Variants in MEGF6 observed in about 807,000 individuals in gnomAD.
The protein encoded by MEGF6 is multiple epidermal growth factor-like domains protein 6.
MEGF6 carries 184 observed loss-of-function variants against 207.1 expected under a neutral mutation model. The ratio of observed to expected loss-of-function variants is 0.89; its 90% CI spans 0.79 to 1.00. The LOEUF is 1.00. MEGF6 is among the 50% of genes least tolerant of loss of function. MEGF6 has a pLI of 0.00. For synonymous variants in MEGF6, 1,038 were observed against 910.0 expected, an observed-to-expected ratio of 1.14 and a Z score of -2.53; for missense variants, 2,282 against 2,202.9, an observed-to-expected ratio of 1.04 and a Z score of -0.72.
chr1:3,587,091 CT>C (rs1643903537), intron 3 of MEGF6, among the ~76,000 whole-genome samples: 1 of 152,248 alleles, frequency 6.6e-6, no homozygotes. Context: ...TAGAGTCAGA[CT>C]CTATTTCATA....
chr1:3,496,866 G>A, intron 28 of MEGF6, 83 bp from the exon 29 acceptor site: 1 of 1,520,642 alleles, frequency 6.6e-7, no homozygotes, highest in East Asian at 2.5e-5. Flanking sequence ...GCTCTCATGA[G>A]ACCCCCACAC....
intron 2 of MEGF6, among the ~76,000 whole-genome samples, chr1:3,598,490 G>A (rs975324036): frequency 1.7e-4 from 18 of 105,518 alleles, no homozygotes; most frequent in African/African-American, 3.0e-4. Context: ...GGGCCTGTGC[G>A]TGGTAAATAT....
intron 4 of MEGF6, among the ~76,000 whole-genome samples, chr1:3,575,795 G>A (rs567051301): frequency 1.1e-3 from 160 of 152,238 alleles, no homozygotes; most frequent in African/African-American, 3.6e-3. Context: ...CCCATGACAC[G>A]TGGGAATTAT....
intron 4 of MEGF6, among the ~76,000 whole-genome samples, chr1:3,539,754 G>A (rs1642454838): frequency 2.0e-5 from 3 of 152,150 alleles, no homozygotes; most frequent in Admixed American, 6.5e-5. Flanking sequence ...CTAGGACAAG[G>A]GCAAGGCCTT....
At chr1:3,519,584 G>C (rs888610009) in intron 5 of MEGF6, among the ~76,000 whole-genome samples, 1 of 152,236 alleles carries the variant, frequency 6.6e-6, no homozygotes, top group Non-Finnish European at 1.5e-5. Context: ...TTAGGAAGGC[G>C]CCTTACTTGT....
intron 5 of MEGF6, among the ~76,000 whole-genome samples, chr1:3,523,070 G>T (rs1255299721): frequency 8.6e-6 from 1 of 115,700 alleles, no homozygotes; most frequent in East Asian, 2.3e-4. Context: ...ATGTGAGTGT[G>T]TGCCGGGGGG....
intron 4 of MEGF6, among the ~76,000 whole-genome samples, chr1:3,532,103 C>T (rs1285498962): frequency 6.6e-6 from 1 of 152,244 alleles, no homozygotes; most frequent in African/African-American, 2.4e-5. Context: ...GGGTGGCCAG[C>T]AGTGCCCAGG....
At chr1:3,497,717 C>T in intron 26 of MEGF6, 1 of 425,542 alleles carries the variant, frequency 2.3e-6, no homozygotes, top group Non-Finnish European at 4.4e-6. Flanking sequence ...CGGGGCTCAG[C>T]ACTGAGGCGA....
intron 2 of MEGF6, among the ~76,000 whole-genome samples, chr1:3,596,297 G>A (rs985696367): frequency 1.3e-5 from 2 of 151,988 alleles, no homozygotes; most frequent in African/African-American, 4.8e-5. Flanking sequence ...TGGGCAGCCC[G>A]ATCTGGCCAG....
chr1:3,492,503 A>T, intron 35 of MEGF6, 136 bp downstream of exon 35: 1 of 1,241,164 alleles, frequency 8.1e-7, no homozygotes, highest in Non-Finnish European at 1.1e-6. Flanking sequence ...GACAGATGAC[A>T]TTCGCTATGT....
At chr1:3,615,686 G>A (rs1644372295), upstream of MEGF6, among the ~76,000 whole-genome samples, 2 of 152,232 alleles carry the variant, frequency 1.3e-5, no homozygotes, top group African/African-American at 4.8e-5. Flanking sequence ...AGAGGGCCCT[G>A]AGCCACAGCA....
intron 2 of MEGF6, among the ~76,000 whole-genome samples, chr1:3,600,081 C>G (rs1285928942): frequency 6.6e-6 from 1 of 152,168 alleles, no homozygotes; most frequent in East Asian, 1.9e-4. Flanking sequence ...GCCTCAGCTG[C>G]CCCGGCCTGG....
chr1:3,516,813 C>T (rs1262321036), intron 5 of MEGF6, among the ~76,000 whole-genome samples: 2 of 152,222 alleles, frequency 1.3e-5, no homozygotes, highest in African/African-American at 2.4e-5. Context: ...TGAGGGTCCC[C>T]TCCTGGGGCA....
intron 4 of MEGF6, chr1:3,531,436 C>A: frequency 8.9e-7 from 1 of 1,118,306 alleles, no homozygotes; most frequent in Non-Finnish European, 1.1e-6. Flanking sequence ...CCGCCCCTCG[C>A]CTTTAAGTTC....
chr1:3,593,619 C>T (rs1644015019), intron 3 of MEGF6, among the ~76,000 whole-genome samples: 1 of 151,606 alleles, frequency 6.6e-6, no homozygotes, highest in African/African-American at 2.4e-5. Flanking sequence ...CCTATTGTTT[C>T]CCCCCATTAT....
Position 3,497,364 on chromosome 1 carries a change from G to A in MEGF6, c.3353-3C>T. 2 of 1,539,758 alleles carry A rather than the reference G, an allele frequency of 1.3e-6. No individual in the cohort carries two copies. Among genetic ancestry groups the A allele is most frequent in the Non-Finnish European group, 8.7e-7 (1 of 1,148,166 alleles). ...TCCAAACCAGCCCCGCAGGCAGGCT[G>A]CAGAAAGATGAGGGCTGCGGAGGCT... On this transcript the variant is annotated splice_region_variant and splice_polypyrimidine_tract_variant and intron_variant, in intron 26 of 36. Transcript: ENST00000356575.
At chr1:3,580,413 C>CCCCA (rs1278267936) in intron 3 of MEGF6, among the ~76,000 whole-genome samples, 1 of 152,212 alleles carries the variant, frequency 6.6e-6, no homozygotes. Flanking sequence ...GCCAGTCAGA[C>CCCCA]CCCAGGGAGG....
intron 3 of MEGF6, among the ~76,000 whole-genome samples, chr1:3,587,668 A>G (rs1250984313): frequency 6.6e-6 from 1 of 152,212 alleles, no homozygotes; most frequent in African/African-American, 2.4e-5. Context: ...AAAGTCTGAC[A>G]TTGTGGAAAG....
At chr1:3,585,577 G>A (rs1335499199) in intron 3 of MEGF6, among the ~76,000 whole-genome samples, 1 of 124,664 alleles carries the variant, frequency 8.0e-6, no homozygotes, top group Non-Finnish European at 1.6e-5. Flanking sequence ...GAGGACACAT[G>A]TCCTGTGTGT....
Sources: gnomAD v4.1 joint callset for allele counts (sites outside exome capture counted in the v4.1 genomes callset) on GRCh38, gnomAD v4.1.1 for gene constraint, MANE v1.5 for transcripts, NCBI Gene and HGNC (gene_info 2026-07-23, HGNC 2026-07-21) for gene names.